Variants in RBFOX1 observed in about 807,000 individuals in gnomAD.
RBFOX1 encodes RNA binding fox-1 homolog 1, also known as RNA binding protein fox-1 homolog 1.
In RBFOX1, 8 loss-of-function variants were observed where a neutral mutation model predicts 57.7. The observed-to-expected ratio is 0.14, with a 90% confidence interval of 0.08 to 0.25. The LOEUF (loss-of-function observed/expected upper bound fraction) is 0.25. RBFOX1 is among the 10% of genes least tolerant of loss of function. The pLI is 1.00. For missense variants in RBFOX1, 611 were observed against 548.5 expected, an observed-to-expected ratio of 1.11 and a Z score of -1.14; for synonymous variants, 326 against 222.4, an observed-to-expected ratio of 1.47 and a Z score of -4.15.
At chr16:5,901,246 C>T (rs537109930) in intron 4 of RBFOX1, among the ~76,000 whole-genome samples, 4 of 152,320 alleles carry the variant, frequency 2.6e-5, no homozygotes, top group South Asian at 4.1e-4. Flanking sequence ...CCCGTTCACG[C>T]GGTCTTTGTT....
chr16:7,402,691 A>T (rs535976520), intron 4 of RBFOX1, among the ~76,000 whole-genome samples: 37 of 152,310 alleles, frequency 2.4e-4, no homozygotes, highest in African/African-American at 8.7e-4. Context: ...CTAATTGGAC[A>T]GCCACTGGCA....
intron 7 of RBFOX1, among the ~76,000 whole-genome samples, chr16:7,593,351 A>C (rs1248568984): frequency 6.6e-6 from 1 of 152,210 alleles, no homozygotes; most frequent in African/African-American, 2.4e-5. Flanking sequence ...CAAATAGAGC[A>C]AAATCCCCCT....
intron 3 of RBFOX1, among the ~76,000 whole-genome samples, chr16:5,860,700 TCTATATAAG>T (rs904296527): frequency 6.6e-6 from 1 of 152,072 alleles, no homozygotes. Context: ...TGTCCACTAG[TCTATATAAG>T]CAGAAGATCA....
intron 3 of RBFOX1, among the ~76,000 whole-genome samples, chr16:6,944,847 A>G (rs547908291): frequency 3.9e-5 from 6 of 152,292 alleles, no homozygotes; most frequent in East Asian, 1.9e-4. Context: ...TCAGAATCCA[A>G]TTAGCAACTC....
intron 3 of RBFOX1, among the ~76,000 whole-genome samples, chr16:5,824,652 A>C (rs935645755): frequency 6.6e-6 from 1 of 152,232 alleles, no homozygotes; most frequent in Non-Finnish European, 1.5e-5. Context: ...TTCCTATGAA[A>C]ACAAAACTGA....
chr16:6,676,654 T>TG (rs2057746437), intron 3 of RBFOX1, among the ~76,000 whole-genome samples: 1 of 150,912 alleles, frequency 6.6e-6, no homozygotes, highest in South Asian at 2.1e-4. Flanking sequence ...TTCTTTTTTT[T>TG]TCTTTTTGTT....
chr16:7,088,804 T>A (rs192380667), intron 4 of RBFOX1, among the ~76,000 whole-genome samples: 2 of 152,308 alleles, frequency 1.3e-5, no homozygotes, highest in African/African-American at 4.8e-5. Flanking sequence ...GTTCCCTGCT[T>A]TGCCAAGGGA....
At chr16:5,667,671 A>C (rs1199261942) in intron 3 of RBFOX1, among the ~76,000 whole-genome samples, 3 of 152,156 alleles carry the variant, frequency 2.0e-5, no homozygotes, top group African/African-American at 7.2e-5. Flanking sequence ...ATCTCTGGAT[A>C]TCTTTTCATT....
intron 3 of RBFOX1, among the ~76,000 whole-genome samples, chr16:6,718,081 C>A (rs927476351): frequency 6.6e-6 from 1 of 152,122 alleles, no homozygotes; most frequent in African/African-American, 2.4e-5. Context: ...AATTTTAGAG[C>A]CAGTGGCTAC....
intron 4 of RBFOX1, among the ~76,000 whole-genome samples, chr16:5,875,713 A>G (rs2057590901): frequency 6.6e-6 from 1 of 152,192 alleles, no homozygotes; most frequent in East Asian, 1.9e-4. Context: ...AGTGTTTCAG[A>G]AGCATCTTCC....
intron 4 of RBFOX1, among the ~76,000 whole-genome samples, chr16:7,291,261 C>T (rs930237553): frequency 6.6e-6 from 1 of 152,156 alleles, no homozygotes; most frequent in Non-Finnish European, 1.5e-5. Flanking sequence ...GCCCTTTGAA[C>T]AGAAGACAGA....
At position 7,040,455 on chromosome 16, in the gene RBFOX1, G is replaced by T. The variant is rs1018608875; in HGVS notation, c.-15-11602G>T. Among the ~76,000 whole-genome samples, 10 of 152,126 alleles carry T rather than the reference G, an allele frequency of 6.6e-5. No individual in the cohort carries two copies. The East Asian group carries it at 1.5e-3, about 24-fold the overall frequency. On this transcript the variant is annotated intron_variant, in intron 3 of 15. Transcript: ENST00000550418. Reference sequence around the variant, plus strand: ...CAGGCATTTAAATTATATTATTATTGCTGCTCTTAGTATGAATTTATAAAA... The same window carrying T: ...CAGGCATTTAAATTATATTATTATTTCTGCTCTTAGTATGAATTTATAAAA...
chr16:6,634,388 C>T (rs184296396), intron 2 of RBFOX1, among the ~76,000 whole-genome samples: 3 of 152,050 alleles, frequency 2.0e-5, no homozygotes, highest in Non-Finnish European at 2.9e-5. Context: ...AAAACCAAAC[C>T]TCCGTGAGTA....
chr16:6,233,264 C>A (rs1219129101), intron 1 of RBFOX1, among the ~76,000 whole-genome samples: 2 of 152,092 alleles, frequency 1.3e-5, no homozygotes, highest in Non-Finnish European at 2.9e-5. Context: ...GTTAGAGAAG[C>A]CCCAAACTGG....
At chr16:7,232,563 A>G (rs1248095650) in intron 4 of RBFOX1, among the ~76,000 whole-genome samples, 1 of 152,126 alleles carries the variant, frequency 6.6e-6, no homozygotes, top group Non-Finnish European at 1.5e-5. Context: ...ATAACAGGCC[A>G]GGCATAAGCG....
At chr16:7,310,724 C>G (rs1012765314) in intron 4 of RBFOX1, among the ~76,000 whole-genome samples, 4 of 152,198 alleles carry the variant, frequency 2.6e-5, no homozygotes, top group Non-Finnish European at 5.9e-5. Context: ...CACTGAATCA[C>G]ACCTGTGATC....
chr16:5,655,208 C>G (rs1371724668), intron 3 of RBFOX1, among the ~76,000 whole-genome samples: 1 of 152,204 alleles, frequency 6.6e-6, no homozygotes, highest in African/African-American at 2.4e-5. Flanking sequence ...TATGCAGAAT[C>G]TACTGTGGAA....
At chr16:6,784,211 A>G (rs200441934) in intron 3 of RBFOX1, among the ~76,000 whole-genome samples, 32 of 151,946 alleles carry the variant, frequency 2.1e-4, no homozygotes, top group East Asian at 1.7e-3. Context: ...TTCTATCCCA[A>G]TCTCTTTCTC....
chr16:5,922,170 A>G (rs1028192874), intron 4 of RBFOX1, among the ~76,000 whole-genome samples: 3 of 152,058 alleles, frequency 2.0e-5, no homozygotes, highest in Admixed American at 6.6e-5. Flanking sequence ...CGACAAAGAA[A>G]CAAACCCCCA....
Sources: allele counts gnomAD v4.1 joint callset (sites outside exome capture counted in the v4.1 genomes callset), GRCh38; gene constraint gnomAD v4.1.1; transcripts MANE v1.5; gene names NCBI Gene and HGNC (gene_info 2026-07-23, HGNC 2026-07-21).